The following PAM variants were observed in gnomAD, a reference collection of about 807,000 sequenced individuals.
The protein encoded by PAM is peptidylglycine alpha-amidating monooxygenase.
A neutral mutation model predicts 122.1 loss-of-function variants in PAM; 72 were observed. The observed-to-expected ratio is 0.59, with a 90% CI of 0.49 to 0.72. PAM has a LOEUF of 0.72. PAM is among the 30% of genes least tolerant of loss of function. The pLI, the probability that PAM is intolerant of heterozygous loss-of-function variation, is 0.00. For missense variants in PAM, 1,106 were observed against 1,183.7 expected (o/e 0.93, Z 0.96); for synonymous variants, 389 against 404.4 (o/e 0.96, Z 0.46).
intron 1 of PAM, among the ~76,000 whole-genome samples, chr5:102,849,239 G>T (rs182383621): frequency 1.3e-5 from 2 of 152,046 alleles, no homozygotes; most frequent in African/African-American, 4.8e-5. Context: ...CTGGAACCGC[G>T]CTCCAGTTCC....
intron 15 of PAM, among the ~76,000 whole-genome samples, chr5:102,980,915 C>T (rs547485984): frequency 8.2e-4 from 125 of 152,240 alleles, no homozygotes; most frequent in Middle Eastern, 6.8e-3. Context: ...AACCAGGTTG[C>T]TCATGGTGTT....
intron 1 of PAM, among the ~76,000 whole-genome samples, chr5:102,765,819 G>A (rs1404956423): frequency 2.0e-5 from 3 of 152,064 alleles, no homozygotes; most frequent in Non-Finnish European, 2.9e-5. Context: ...GTCTGTCTCT[G>A]TGTCCAAGTT....
intron 12 of PAM, among the ~76,000 whole-genome samples, chr5:102,958,554 G>A (rs1180461225): frequency 6.6e-6 from 1 of 152,136 alleles, no homozygotes; most frequent in African/African-American, 2.4e-5. Flanking sequence ...GTAGTGAACA[G>A]ATGTTTGTTT....
At chr5:102,808,952 G>C (rs1767034901) in intron 1 of PAM, among the ~76,000 whole-genome samples, 1 of 152,194 alleles carries the variant, frequency 6.6e-6, no homozygotes, top group African/African-American at 2.4e-5. Flanking sequence ...GCTATGTTCA[G>C]CTTTACAGAA....
At chr5:102,950,658 A>G (rs1302762370) in intron 11 of PAM, 59 bp from the exon 12 acceptor site, 16 of 1,019,202 alleles carry the variant, frequency 1.6e-5, no homozygotes, top group Non-Finnish European at 2.3e-5. Context: ...ACAGTCAAAC[A>G]TGTAGTTCTG....
At chr5:102,844,140 T>C (rs183245604) in intron 1 of PAM, among the ~76,000 whole-genome samples, 8 of 152,316 alleles carry the variant, frequency 5.3e-5, no homozygotes, top group African/African-American at 1.9e-4. Flanking sequence ...GAATGAACTA[T>C]TGATACATGC....
intron 15 of PAM, chr5:102,974,701 T>C (rs1448564008): frequency 6.6e-6 from 2 of 303,102 alleles, no homozygotes; most frequent in Admixed American, 4.7e-5. Context: ...TTTGGATCAT[T>C]TGGGGAAAGG....
intron 12 of PAM, among the ~76,000 whole-genome samples, chr5:102,954,808 A>C (rs1188742416): frequency 6.6e-6 from 1 of 152,118 alleles, no homozygotes; most frequent in African/African-American, 2.4e-5. Context: ...TTTAATATTA[A>C]TTATTGGGAC....
chr5:102,814,968 A>C (rs1561520751), intron 1 of PAM, among the ~76,000 whole-genome samples: 1 of 151,840 alleles, frequency 6.6e-6, no homozygotes, highest in African/African-American at 2.4e-5. Context: ...CGCACCCCCC[A>C]TACACACAGT....
At chr5:102,780,755 CTTTCTTTCTTT>C (rs1758562724) in intron 1 of PAM, among the ~76,000 whole-genome samples, 2 of 16,274 alleles carry the variant, frequency 1.2e-4, no homozygotes, top group African/African-American at 2.4e-4. Context: ...CTTTCTTTCT[CTTTCTTTCTTT>C]CTTTCTTTCT....
chr5:102,771,963 A>G (rs1334158796), intron 1 of PAM, among the ~76,000 whole-genome samples: 1 of 152,112 alleles, frequency 6.6e-6, no homozygotes, highest in Non-Finnish European at 1.5e-5. Flanking sequence ...TGTTGAGGTC[A>G]TTTTGTAGAG....
At chr5:102,867,514 C>T (rs1785991676) in intron 3 of PAM, 121 bp downstream of exon 3, 1 of 561,616 alleles carries the variant, frequency 1.8e-6, no homozygotes, top group African/African-American at 1.9e-5. Context: ...TTTCAAGACT[C>T]CAGCTAAGGC....
intron 1 of PAM, among the ~76,000 whole-genome samples, chr5:102,853,476 T>C (rs1781822995): frequency 6.6e-6 from 1 of 152,150 alleles, no homozygotes; most frequent in Non-Finnish European, 1.5e-5. Flanking sequence ...ATATATAGGT[T>C]CAGAATGAAC....
chr5:102,981,381 T>C (rs1182272686), intron 15 of PAM, among the ~76,000 whole-genome samples: 2 of 152,256 alleles, frequency 1.3e-5, no homozygotes, highest in Non-Finnish European at 2.9e-5. Context: ...TATATGTGTT[T>C]ATTGTCTTTA....
At position 102,931,576 on chromosome 5, in the gene PAM, A is replaced by T. The variant is rs1342389902; in HGVS notation, c.526+4908A>T. On this transcript the variant is annotated intron_variant, in intron 7 of 25. Coordinates refer to ENST00000438793, the MANE Select transcript of PAM (RefSeq NM_001177306.2). ...TCCTCTCATTTTTAGAATTTCTGGC[A>T]TTAGCTTACTAGTCTCCAACAATAA... 3.3e-5 allele frequency among the ~76,000 whole-genome samples: 5 copies of T among 152,274 alleles called. No homozygotes were observed. The East Asian group carries it at 9.7e-4, about 29-fold the overall frequency.
intron 15 of PAM, among the ~76,000 whole-genome samples, chr5:102,979,921 T>C (rs906875660): frequency 6.6e-6 from 1 of 152,040 alleles, no homozygotes; most frequent in Non-Finnish European, 1.5e-5. Flanking sequence ...ATAATTTATT[T>C]ATCATAAAAA....
chr5:102,964,501 C>T (rs1763437618), intron 14 of PAM, among the ~76,000 whole-genome samples: 1 of 151,698 alleles, frequency 6.6e-6, no homozygotes, highest in African/African-American at 2.4e-5. Context: ...ATCATGTTGT[C>T]CTGGATCATG....
chr5:102,946,877 A>G lies in PAM; in HGVS notation c.567A>G (p.Thr189=). 6.2e-7 allele frequency: 1 copy of G among 1,600,762 alleles called. No homozygotes were observed. Among genetic ancestry groups the G allele is most frequent in the Non-Finnish European group, 8.6e-7 (1 of 1,168,670 alleles). Residue 189 remains threonine (T), a synonymous_variant, in exon 8 of 26, where the codon ACA becomes ACG. Coordinates refer to ENST00000438793, the MANE Select transcript of PAM (RefSeq NM_001177306.2). ...GTTCTGGTGTGTCCTTACACCTCAC[A>G]CGTCTGCCGTAAGTACTTCCATTTT... ...KDCSGVSLHL[T]RLPQPLIAGM...
At chr5:102,981,538 A>G (rs1304700976) in intron 15 of PAM, among the ~76,000 whole-genome samples, 1 of 150,574 alleles carries the variant, frequency 6.6e-6, no homozygotes, top group Non-Finnish European at 1.5e-5. Flanking sequence ...AGTAGAGACT[A>G]AAACATAGAC....
Sources: gnomAD v4.1 joint callset for allele counts (sites outside exome capture counted in the v4.1 genomes callset) on GRCh38, gnomAD v4.1.1 for gene constraint, MANE v1.5 for transcripts, NCBI Gene and HGNC (gene_info 2026-07-23, HGNC 2026-07-21) for gene names.